SALL3: variants seen among roughly 807,000 people sequenced by gnomAD.
SALL3 encodes the protein sal-like protein 3.
SALL3 carries 25 observed loss-of-function variants against 66.2 expected under a neutral mutation model. The observed-to-expected ratio is 0.38, with a 90% CI of 0.28 to 0.53. The LOEUF is 0.53. Ranked by LOEUF, SALL3 falls within the 20% of genes least tolerant of loss-of-function variation. The pLI, the probability that SALL3 is intolerant of heterozygous loss-of-function variation, is 0.85. For missense variants in SALL3, 2,194 were observed against 1,916.5 expected (o/e 1.14, Z -2.70); for synonymous variants, 1,152 against 899.1 (o/e 1.28, Z -5.03).
intron 1 of SALL3, among the ~76,000 whole-genome samples, chr18:78,984,616 A>G (rs1914177900): frequency 6.7e-6 from 1 of 150,068 alleles, no homozygotes; most frequent in African/African-American, 2.4e-5. Context: ...TTCCAAGTAA[A>G]CTTTTATTTA....
At position 78,993,386 on chromosome 18, in the gene SALL3, G is replaced by T; in HGVS notation, c.1395G>T (p.Val465=). 1 of 1,612,700 alleles carries T rather than the reference G, an allele frequency of 6.2e-7. No individual in the cohort carries two copies. Among genetic ancestry groups the T allele is most frequent in the South Asian group, 1.1e-5 (1 of 91,046 alleles). Residue 465 remains valine, a synonymous_variant, in exon 2 of 3, where the codon GTG becomes GTT. Coordinates refer to ENST00000537592, the MANE Select transcript of SALL3 (RefSeq NM_171999.4). ...TCTCCACCAAAGGCAACCTGAAGGT[G>T]CACTTCCAGAGGCACAAGGAGAAGT... ...NRFSTKGNLK[V]HFQRHKEKYP... is the part of the protein sequence containing the mutation.
chr18:78,982,385 TC>T (rs1914101603), intron 1 of SALL3, among the ~76,000 whole-genome samples: 1 of 152,238 alleles, frequency 6.6e-6, no homozygotes, highest in African/African-American at 2.4e-5. Context: ...TTGCCACAGT[TC>T]CTGGTCATGT....
rs955277573 is a variant in SALL3 at position 78,996,940 on chromosome 18, G to A, written c.3521G>A (p.Arg1174His). Reference protein sequence around the residue: ...MWNNAPARRGRRLSVENPMAL... With the variant: ...MWNNAPARRGHRLSVENPMAL... ...AATAACGCCCCCGCGAGACGCGGCC[G>A]CCGCCTGTCTGTGGAGAACCCCATG... Residue 1174 changes from arginine (R) to histidine (H), a missense_variant, in exon 3 of 3, where the codon CGC (arginine) becomes CAC (histidine). By Grantham distance (29) the Arg-to-His change is conservative. Transcript: ENST00000537592. The A allele has an allele frequency of 4.2e-5, 67 of 1,612,976 alleles. No homozygotes were observed. Among genetic ancestry groups the A allele is most frequent in the Non-Finnish European group, 5.3e-5 (63 of 1,179,708 alleles).
At chr18:78,980,433 C>T (rs1913992772) in intron 1 of SALL3, 77 bp downstream of exon 1, 8 of 871,094 alleles carry the variant, frequency 9.2e-6, no homozygotes, top group East Asian at 7.9e-5. Context: ...GCGGCGGGAG[C>T]GGATGCGCGC....
At chr18:78,980,804 T>C (rs1349833077) in intron 1 of SALL3, among the ~76,000 whole-genome samples, 1 of 151,986 alleles carries the variant, frequency 6.6e-6, no homozygotes, top group East Asian at 1.9e-4. Context: ...GCCAGCTTTG[T>C]TCGGGGGCCC....
At position 78,992,966 on chromosome 18, in the gene SALL3, GGCGCCA is replaced by G; in HGVS notation, c.981_986del (p.Ala328_Pro329del). On this transcript the variant is annotated inframe_deletion, in exon 2 of 3. Coordinates refer to ENST00000537592, the MANE Select transcript of SALL3 (RefSeq NM_171999.4). ...CCCCTGCCCCCGCTGCCCCCGCCCC[GGCGCCA>G]GCGCCGCAGAGCGCAGCCTCGTCGC... 1 of 1,209,030 alleles carries G rather than the reference GGCGCCA, an allele frequency of 8.3e-7. No individual in the cohort carries two copies. The allele number at this position is 1,209,030 out of a possible 1,614,324, so 74.9% of individuals were successfully genotyped here.
chr18:78,997,282 C>G lies in SALL3; in HGVS notation c.3863C>G (p.Thr1288Arg). The G allele has an allele frequency of 6.2e-7, 1 of 1,613,994 alleles. No individual in the cohort carries two copies. Among genetic ancestry groups the G allele is most frequent in the Non-Finnish European group, 8.5e-7 (1 of 1,180,026 alleles). Residue 1288 changes from threonine to arginine, a missense_variant, in exon 3 of 3, where the codon ACG becomes AGG. Transcript: ENST00000537592. ...SSETAASRPF[T>R]RFIEDNKEIG... is the part of the protein sequence containing the mutation. ...GAAACAGCAGCCAGCCGCCCATTCA[C>G]GCGGTTTATCGAGGATAACAAGGAG...
At position 78,996,961 on chromosome 18, in the gene SALL3, C is replaced by A. The variant is rs1914716326; in HGVS notation, c.3542C>A (p.Pro1181His). ...GGCCGCCGCCTGTCTGTGGAGAACC[C>A]CATGGCTCTCCTAGGGGGTGATGCC... Reference protein sequence around the residue: ...RRGRRLSVENPMALLGGDALK... With the variant: ...RRGRRLSVENHMALLGGDALK... Residue 1181 changes from proline (P) to histidine (H), a missense_variant, in exon 3 of 3, where the codon CCC (proline) becomes CAC (histidine). Physicochemically the swap from Pro to His is moderately conservative, Grantham distance 77. Transcript: ENST00000537592. 1 of 1,613,676 alleles carries A rather than the reference C, an allele frequency of 6.2e-7. No homozygotes were observed. The highest frequency in any genetic ancestry group is 8.5e-7 in the Non-Finnish European group (1 of 1,179,988).
chr18:78,980,232 C>G lies in SALL3; in HGVS notation c.-43C>G, dbSNP rs1167576584. 14 of 1,030,920 alleles carry G rather than the reference C, an allele frequency of 1.4e-5. No individual in the cohort carries two copies. The highest frequency in any genetic ancestry group is 4.3e-4 in the Middle Eastern group (1 of 2,320). 63.9% of individuals were successfully genotyped at this position (1,030,920 alleles called of 1,614,324 possible). Reference sequence around the variant, plus strand: ...CGCGCCGTCCCCGCCGGCCGCCCCGCTGATGCCGCTGCCCCGCGCGGGGCC... The same window carrying G: ...CGCGCCGTCCCCGCCGGCCGCCCCGGTGATGCCGCTGCCCCGCGCGGGGCC... On this transcript the variant is annotated 5_prime_UTR_variant, in exon 1 of 3. Transcript: ENST00000537592.
In SALL3 at chr18:78,992,384, C is replaced by T. The variant is rs1342210054; in HGVS notation, c.393C>T (p.Ala131=). The T allele has an allele frequency of 8.3e-6, 11 of 1,328,124 alleles. No homozygotes were observed. The highest frequency in any genetic ancestry group is 7.9e-5 in the African/African-American group (5 of 63,658). The allele number at this position is 1,328,124 out of a possible 1,614,324, so 82.3% of individuals were successfully genotyped here. A position where few individuals can be genotyped will look rare whatever the true frequency, so the allele number is the denominator to read the frequency against. Residue 131 remains alanine (A), a synonymous_variant, in exon 2 of 3, where the codon GCC becomes GCT. Transcript: ENST00000537592. The part of the protein sequence containing the change: ...EGEARPVEKE[A]EPMDAEPAGD... The stretch of plus-strand genomic sequence containing the variant: ...AGGCCAGGCCGGTGGAGAAGGAGGC[C>T]GAGCCCATGGACGCGGAACCCGCGG...
chr18:78,982,576 C>T (rs551951323), intron 1 of SALL3, among the ~76,000 whole-genome samples: 2 of 152,162 alleles, frequency 1.3e-5, no homozygotes, highest in East Asian at 3.9e-4. Context: ...CAAGGAATGC[C>T]CCATTTGTGT....
intron 1 of SALL3, among the ~76,000 whole-genome samples, chr18:78,980,679 C>T (rs1302056163): frequency 1.3e-5 from 2 of 151,620 alleles, no homozygotes; most frequent in Non-Finnish European, 2.9e-5. Context: ...CACGGTGCCT[C>T]CGCCGCCGCG....
At chr18:78,987,745 T>C (rs1051541263) in intron 1 of SALL3, among the ~76,000 whole-genome samples, 1 of 152,150 alleles carries the variant, frequency 6.6e-6, no homozygotes, top group African/African-American at 2.4e-5. Flanking sequence ...TTCCTAAAAG[T>C]AGCCCTGGCC....
rs1321924472 is a variant in SALL3, at chr18:78,997,270, GC to G, written c.3853del (p.Arg1285AlafsTer19). 6.2e-7 allele frequency: 1 copy of G among 1,614,012 alleles called. No homozygotes were observed. On this transcript the variant is annotated frameshift_variant, in exon 3 of 3. Transcript: ENST00000537592. LOFTEE classifies it high-confidence loss of function. ...LDKASSETAA[S>X]RPFTRFIEDN... Reference sequence around the variant, plus strand: ...AAAGCGAGCTCAGAAACAGCAGCCAGCCGCCCATTCACGCGGTTTATCGAGG... The same window carrying G: ...AAAGCGAGCTCAGAAACAGCAGCCAGCGCCCATTCACGCGGTTTATCGAGG...
intron 1 of SALL3, among the ~76,000 whole-genome samples, chr18:78,989,055 G>A (rs1177834929): frequency 1.3e-5 from 2 of 152,096 alleles, no homozygotes; most frequent in Non-Finnish European, 2.9e-5. Context: ...ATAAATGGAA[G>A]CTTATTTTAC....
intron 1 of SALL3, among the ~76,000 whole-genome samples, chr18:78,982,535 A>T (rs1914107943): frequency 6.6e-6 from 1 of 152,152 alleles, no homozygotes; most frequent in East Asian, 1.9e-4. Flanking sequence ...TTGTTCAAGG[A>T]GCATAACAGA....
chr18:78,980,024 G>A lies in SALL3; in HGVS notation c.-251G>A, dbSNP rs1284688639. On this transcript the variant is annotated 5_prime_UTR_variant, in exon 1 of 3. Transcript: ENST00000537592. ...CCGCGGCCCCCTCCTCGTCGGCGCG[G>A]CCGCTAATTGCGAGCGCGGCCTCAT... is the stretch of plus-strand genomic sequence containing the variant. Among the ~76,000 whole-genome samples, 1 of 145,992 alleles carries A rather than the reference G, an allele frequency of 6.8e-6. No individual in the cohort carries two copies. Among genetic ancestry groups the A allele is most frequent in the Non-Finnish European group, 1.5e-5 (1 of 65,678 alleles).
Position 78,995,348 on chromosome 18 carries a change from G to A in SALL3, c.3357G>A (p.Gly1119=), listed in dbSNP as rs776730744. The change falls in exon 2 of 3, where the codon GGG becomes GGA. Residue 1119 remains glycine (G), a synonymous_variant. Transcript: ENST00000537592. ...AGCAGCACAACTGCCAGTCGTGCGG[G>A]AAGACCTTCTCCTCGGCCAGCGCCC... ...TPKQHNCQSC[G]KTFSSASALQ... The A allele has an allele frequency of 1.0e-5, 16 of 1,574,970 alleles. No homozygotes were observed. Among genetic ancestry groups the A allele is most frequent in the Non-Finnish European group, 1.3e-5 (15 of 1,167,360 alleles).
chr18:78,981,057 T>C (rs1187263979), intron 1 of SALL3, among the ~76,000 whole-genome samples: 1 of 152,084 alleles, frequency 6.6e-6, no homozygotes, highest in Admixed American at 6.5e-5. Flanking sequence ...CCCGTCTTTT[T>C]GGATCCGCCG....
Sources: gnomAD v4.1 joint callset for allele counts (sites outside exome capture counted in the v4.1 genomes callset) on GRCh38, gnomAD v4.1.1 for gene constraint, MANE v1.5 for transcripts, NCBI Gene and HGNC (gene_info 2026-07-23, HGNC 2026-07-21) for gene names.